Variants in ADAMTSL1 observed in about 807,000 individuals in gnomAD.
The protein encoded by ADAMTSL1 is ADAMTS-like protein 1.
Under a neutral mutation model 201.8 loss-of-function variants are expected in ADAMTSL1, and 126 were observed. The observed-to-expected ratio is 0.62, with a 90% CI of 0.54 to 0.72. ADAMTSL1 has a LOEUF of 0.72. Among genes scored for constraint, ADAMTSL1 ranks in the 30% least tolerant of loss-of-function variants. The pLI is 0.00. For missense variants in ADAMTSL1, 2,679 were observed against 2,277.8 expected (o/e 1.18, Z -3.59); for synonymous variants, 1,121 against 903.4 (o/e 1.24, Z -4.32).
chr9:18,518,786 G>A (rs184043529), intron 2 of ADAMTSL1, among the ~76,000 whole-genome samples: 105 of 152,226 alleles, frequency 6.9e-4, no homozygotes, highest in African/African-American at 2.4e-3. Flanking sequence ...TCAGCTCGCT[G>A]CAACCTCTGC....
chr9:18,089,135 G>A (rs1474066055), intron 1 of ADAMTSL1, among the ~76,000 whole-genome samples: 1 of 152,118 alleles, frequency 6.6e-6, no homozygotes, highest in East Asian at 1.9e-4. Context: ...CTGGGCGACA[G>A]GAGCGAAACT....
intron 14 of ADAMTSL1, among the ~76,000 whole-genome samples, chr9:18,715,573 A>G (rs1832873273): frequency 6.6e-6 from 1 of 152,102 alleles, no homozygotes; most frequent in African/African-American, 2.4e-5. Flanking sequence ...ACCACTACTC[A>G]AGGAAATAAA....
At chr9:18,310,175 C>T (rs760210802) in intron 2 of ADAMTSL1, among the ~76,000 whole-genome samples, 44 of 151,912 alleles carry the variant, frequency 2.9e-4, no homozygotes, top group African/African-American at 8.4e-4. Context: ...ACACCTTACA[C>T]AAAAATTAAC....
chr9:18,289,137 C>CTATG (rs1833144763), intron 2 of ADAMTSL1, among the ~76,000 whole-genome samples: 2 of 86,084 alleles, frequency 2.3e-5, no homozygotes, highest in Non-Finnish European at 4.6e-5. Context: ...ATATGTCTGT[C>CTATG]TATCTATCTA....
chr9:18,027,969 C>G (rs1204237135), intron 1 of ADAMTSL1, among the ~76,000 whole-genome samples: 1 of 151,978 alleles, frequency 6.6e-6, no homozygotes, highest in African/African-American at 2.4e-5. Context: ...ATGTAATGAC[C>G]TTCTTTGTTC....
chr9:18,888,524 T>G (rs111401999), intron 24 of ADAMTSL1, among the ~76,000 whole-genome samples: 4,370 of 152,298 alleles, frequency 0.029, 130 homozygotes, highest in South Asian at 0.14. Flanking sequence ...CATTTGGCCC[T>G]GGCAAAGAAC....
chr9:18,611,785 A>C (rs1036665789), intron 4 of ADAMTSL1, among the ~76,000 whole-genome samples: 1 of 152,222 alleles, frequency 6.6e-6, no homozygotes, highest in Non-Finnish European at 1.5e-5. Context: ...CTTAAAAATT[A>C]GCACCTGGCA....
At chr9:18,569,462 T>C (rs747413095) in intron 3 of ADAMTSL1, among the ~76,000 whole-genome samples, 3 of 152,166 alleles carry the variant, frequency 2.0e-5, no homozygotes, top group Non-Finnish European at 4.4e-5. Context: ...CTTAGCCCAG[T>C]AACATGACAC....
intron 7 of ADAMTSL1, among the ~76,000 whole-genome samples, chr9:18,652,385 G>GAAA (rs374812767): frequency 7.6e-6 from 1 of 132,196 alleles, no homozygotes. Flanking sequence ...AAAAAAAAAG[G>GAAA]AAAAAAAAAG....
intron 5 of ADAMTSL1, among the ~76,000 whole-genome samples, chr9:18,624,317 T>G (rs760620078): frequency 3.9e-5 from 6 of 152,180 alleles, no homozygotes; most frequent in Admixed American, 1.3e-4. Flanking sequence ...GATGAAAAAT[T>G]TCTAAAGTTA....
In ADAMTSL1 at chr9:18,892,469, T is replaced by A. The variant is rs1254457911; in HGVS notation, c.4724T>A (p.Leu1575Gln). ...ACCCGCAGGGTGACCTGTCAAAAGC[T>A]GAAAGCCTCTGGGATCTCCACCCCT... ...VQTRRVTCQK[L>Q]KASGISTPVS... The change falls in exon 26 of 29, where the codon CTG becomes CAG. Residue 1575 changes from leucine to glutamine, a missense_variant. Physicochemically the swap from Leu to Gln is moderately radical, Grantham distance 113. Transcript: ENST00000380548. 1 of 1,612,834 alleles carries A rather than the reference T, an allele frequency of 6.2e-7. No individual in the cohort carries two copies. The highest frequency in any genetic ancestry group is 8.5e-7 in the Non-Finnish European group (1 of 1,179,540).
chr9:18,587,878 A>G (rs1223404883), intron 4 of ADAMTSL1, among the ~76,000 whole-genome samples: 2 of 152,178 alleles, frequency 1.3e-5, no homozygotes, highest in Admixed American at 1.3e-4. Context: ...TTATTAATTG[A>G]TGAACACTTA....
intron 4 of ADAMTSL1, among the ~76,000 whole-genome samples, chr9:18,596,393 T>A (rs1032622685): frequency 6.6e-6 from 1 of 151,960 alleles, no homozygotes; most frequent in Non-Finnish European, 1.5e-5. Context: ...TGGACTAATT[T>A]ACTAGGTTCT....
chr9:18,880,825 C>A (rs953864973), intron 23 of ADAMTSL1, among the ~76,000 whole-genome samples: 1 of 152,138 alleles, frequency 6.6e-6, no homozygotes, highest in Non-Finnish European at 1.5e-5. Context: ...TCCTAGATAG[C>A]ATCTTCTTCC....
In ADAMTSL1 at chr9:18,777,266, C is replaced by G; in HGVS notation, c.3037C>G (p.Leu1013Val). 1 of 1,610,476 alleles carries G rather than the reference C, an allele frequency of 6.2e-7. No individual in the cohort carries two copies. The highest frequency in any genetic ancestry group is 8.5e-7 in the Non-Finnish European group (1 of 1,178,904). ...SNGSKAEKRGLAANPGSRYDD... is the reference protein window; with the variant it reads ...SNGSKAEKRGVAANPGSRYDD... ...CGGCAGCAAGGCGGAGAAGCGGGGC[C>G]TGGCCGCCAACCCGGGGAGCCGCTA... Residue 1013 changes from leucine to valine, a missense_variant, in exon 19 of 29, where the codon CTG becomes GTG. Leu to Val is a conservative substitution (Grantham distance 32). Transcript: ENST00000380548.
rs887234986 is a variant in ADAMTSL1 at position 18,028,146 on chromosome 9, T to C, written c.87+121224T>C. 2.0e-5 allele frequency among the ~76,000 whole-genome samples: 3 copies of C among 152,100 alleles called. No individual in the cohort carries two copies. The South Asian group carries it at 6.2e-4, about 32-fold the overall frequency. On this transcript the variant is annotated intron_variant, in intron 1 of 29. Transcript: ENST00000680146. ...TTGAAGACAGCAGAGTGTTAGGCTG[T>C]TTAAATTCAAGGTTACTATTGGTAT...
intron 2 of ADAMTSL1, among the ~76,000 whole-genome samples, chr9:18,529,014 C>G (rs1480197486): frequency 1.3e-5 from 2 of 152,156 alleles, no homozygotes; most frequent in Non-Finnish European, 2.9e-5. Context: ...CTGCTTAATT[C>G]TCTGACAGGG....
intron 5 of ADAMTSL1, among the ~76,000 whole-genome samples, chr9:18,631,418 C>G (rs981235567): frequency 6.6e-6 from 1 of 152,150 alleles, no homozygotes; most frequent in African/African-American, 2.4e-5. Context: ...GTAAAACATA[C>G]CATTTAAACC....
chr9:18,761,790 A>T (rs1190418360), intron 16 of ADAMTSL1, among the ~76,000 whole-genome samples: 1 of 152,190 alleles, frequency 6.6e-6, no homozygotes, highest in African/African-American at 2.4e-5. Flanking sequence ...AATGCCTTTC[A>T]TCAATGCAAA....
Sources: allele counts gnomAD v4.1 joint callset (sites outside exome capture counted in the v4.1 genomes callset), GRCh38; gene constraint gnomAD v4.1.1; transcripts MANE v1.5; gene names NCBI Gene and HGNC (gene_info 2026-07-23, HGNC 2026-07-21).